The following KLRG1 variants were observed in gnomAD, a reference collection of about 807,000 sequenced individuals.
KLRG1 encodes killer cell lectin like receptor G1.
KLRG1 carries 16 observed loss-of-function variants against 21.8 expected under a neutral mutation model. The observed-to-expected ratio is 0.73, with a 90% CI of 0.50 to 1.11. The LOEUF (loss-of-function observed/expected upper bound fraction) is 1.11. KLRG1 is among the 50% of genes most tolerant of loss of function. KLRG1 has a pLI of 0.00. For synonymous variants in KLRG1, 69 were observed against 75.9 expected, an observed-to-expected ratio of 0.91 and a Z score of 0.47; for missense variants, 173 against 218.3, an observed-to-expected ratio of 0.79 and a Z score of 1.31.
the KLRG1 span, chr12:9,200,302 CT>C: frequency 8.8e-7 from 1 of 1,140,872 alleles, no homozygotes; most frequent in African/African-American, 1.6e-5. Flanking sequence ...AATTTTGTAC[CT>C]ACATAATCCC....
the KLRG1 span, among the ~76,000 whole-genome samples, chr12:9,150,306 G>A: frequency 2.6e-5 from 4 of 151,668 alleles, no homozygotes; most frequent in African/African-American, 4.8e-5. Flanking sequence ...TTTTTGAGAC[G>A]GAGTCTCGCA....
chr12:9,004,769 C>A (rs1184127977), intron 3 of KLRG1, among the ~76,000 whole-genome samples: 3 of 152,198 alleles, frequency 2.0e-5, no homozygotes, highest in Non-Finnish European at 2.9e-5. Context: ...GCAGGAGCCA[C>A]TGTGCCTGGT....
chr12:9,173,326 GT>G, the KLRG1 span, among the ~76,000 whole-genome samples: 1 of 152,188 alleles, frequency 6.6e-6, no homozygotes, highest in Non-Finnish European at 1.5e-5. Flanking sequence ...CTAAAACAGT[GT>G]TAAGTGGGAA....
At chr12:9,194,829 G>T in the KLRG1 span, among the ~76,000 whole-genome samples, 9 of 152,248 alleles carry the variant, frequency 5.9e-5, no homozygotes, top group East Asian at 1.4e-3. Flanking sequence ...AAGAATAAAA[G>T]AAATGAATTT....
At chr12:9,077,570 C>A in the KLRG1 span, 1 of 1,494,770 alleles carries the variant, frequency 6.7e-7, no homozygotes, top group Non-Finnish European at 9.1e-7. Flanking sequence ...TCTATCCCCT[C>A]TTTTTTGGTG....
At chr12:9,214,553 G>T in the KLRG1 span, among the ~76,000 whole-genome samples, 1 of 151,836 alleles carries the variant, frequency 6.6e-6, no homozygotes, top group African/African-American at 2.4e-5. Flanking sequence ...TAATTTAAAG[G>T]TTTATAAAAG....
the KLRG1 span, among the ~76,000 whole-genome samples, chr12:9,084,373 T>C: frequency 2.0e-5 from 3 of 152,126 alleles, no homozygotes; most frequent in Non-Finnish European, 4.4e-5. Flanking sequence ...ATAACAAGCA[T>C]AGCTAAAAAT....
At chr12:8,990,398 A>T (rs1292914202) in intron 1 of KLRG1, 1 of 151,992 alleles carries the variant, frequency 6.6e-6, no homozygotes, top group Non-Finnish European at 1.5e-5. Flanking sequence ...TAGGCAGTGA[A>T]CTCCCACAAG....
At chr12:9,141,018 A>G in the KLRG1 span, among the ~76,000 whole-genome samples, 73 of 152,338 alleles carry the variant, frequency 4.8e-4, 2 homozygotes, top group African/African-American at 1.6e-3. Flanking sequence ...AGTAAAAAAG[A>G]TTACTTCAGT....
At chr12:9,104,366 G>T in the KLRG1 span, 1 of 1,600,708 alleles carries the variant, frequency 6.2e-7, no homozygotes. Flanking sequence ...GACTTTATTT[G>T]GTATAGGGAC....
At chr12:9,045,788 C>T in the KLRG1 span, among the ~76,000 whole-genome samples, 1 of 152,146 alleles carries the variant, frequency 6.6e-6, no homozygotes, top group Non-Finnish European at 1.5e-5. Flanking sequence ...ATGGAATCAA[C>T]CCAAATGTCC....
the KLRG1 span, among the ~76,000 whole-genome samples, chr12:9,181,527 A>G: frequency 6.6e-6 from 1 of 152,236 alleles, no homozygotes; most frequent in East Asian, 1.9e-4. Context: ...ACTATTACAT[A>G]AGTGGGGAAT....
chr12:9,210,326 A>G, the KLRG1 span, among the ~76,000 whole-genome samples: 1 of 152,164 alleles, frequency 6.6e-6, no homozygotes, highest in African/African-American at 2.4e-5. Flanking sequence ...TTTATGGACC[A>G]TTTGAATTCT....
intron 1 of KLRG1, among the ~76,000 whole-genome samples, chr12:8,958,918 T>C (rs753974280): frequency 3.9e-5 from 6 of 152,046 alleles, no homozygotes; most frequent in Non-Finnish European, 8.8e-5. Flanking sequence ...GTAGATAAAT[T>C]TGGGGAAAAT....
At chr12:8,990,502 A>T (rs1435856653) in intron 1 of KLRG1, among the ~76,000 whole-genome samples, 1 of 152,156 alleles carries the variant, frequency 6.6e-6, no homozygotes, top group Non-Finnish European at 1.5e-5. Context: ...GTGTTGCCTT[A>T]ATTTGCTAAA....
At chr12:9,076,768 C>T in the KLRG1 span, 6 of 1,613,924 alleles carry the variant, frequency 3.7e-6, no homozygotes, top group Middle Eastern at 3.3e-4. Flanking sequence ...TTCTTCACAG[C>T]TTCCTCATTA....
chr12:9,036,798 T>C, the KLRG1 span: 10 of 413,990 alleles, frequency 2.4e-5, no homozygotes, highest in Non-Finnish European at 3.4e-5. Context: ...AATCTATGCT[T>C]CAGCTGTCTT....
chr12:9,021,285 A>G, the KLRG1 span, among the ~76,000 whole-genome samples: 1 of 152,204 alleles, frequency 6.6e-6, no homozygotes, highest in African/African-American at 2.4e-5. Context: ...ATTACTATAG[A>G]CTTTATAAAT....
chr12:9,047,677 A>G, the KLRG1 span, among the ~76,000 whole-genome samples: 2 of 152,198 alleles, frequency 1.3e-5, no homozygotes, highest in African/African-American at 4.8e-5. Context: ...CTGTAAATAT[A>G]AAGGATAGAT....
Sources: allele counts gnomAD v4.1 joint callset (sites outside exome capture counted in the v4.1 genomes callset), GRCh38; gene constraint gnomAD v4.1.1; transcripts MANE v1.5; gene names NCBI Gene and HGNC (gene_info 2026-07-23, HGNC 2026-07-21).